Variants in ZNF652 observed in about 807,000 individuals in gnomAD.
ZNF652 encodes zinc finger protein 652.
Under a neutral mutation model 45.2 loss-of-function variants are expected in ZNF652, and 16 were observed. That is an observed-to-expected ratio of 0.35 (90% CI 0.24 to 0.54). The LOEUF (loss-of-function observed/expected upper bound fraction) is 0.54, where lower values mean the gene tolerates loss of function less well. Among genes scored for constraint, ZNF652 ranks in the 20% least tolerant of loss-of-function variants. The pLI is 0.91. For synonymous variants in ZNF652, 250 were observed against 260.6 expected (o/e 0.96, Z 0.39); for missense variants, 614 against 765.6 (o/e 0.80, Z 2.34).
At chr17:49,361,425 G>A (rs1424648632) in intron 1 of ZNF652, among the ~76,000 whole-genome samples, 1 of 152,094 alleles carries the variant, frequency 6.6e-6, no homozygotes, top group Non-Finnish European at 1.5e-5. Flanking sequence ...CCGGTGGCGG[G>A]TGTACATCAG....
At chr17:49,361,402 G>A (rs773174817) in intron 1 of ZNF652, among the ~76,000 whole-genome samples, 2 of 152,208 alleles carry the variant, frequency 1.3e-5, no homozygotes, top group Non-Finnish European at 2.9e-5. Context: ...CCACTGGGGT[G>A]AGTGTGGGGC....
chr17:49,316,418 T>C (rs1330630024), intron 2 of ZNF652, among the ~76,000 whole-genome samples: 2 of 152,246 alleles, frequency 1.3e-5, no homozygotes, highest in Non-Finnish European at 2.9e-5. Context: ...TCAGCTGTAC[T>C]AGAATCTGGC....
Position 49,360,547 on chromosome 17 carries a change from A to C in ZNF652, c.-259+1362T>G, listed in dbSNP as rs532026555. Among the ~76,000 whole-genome samples, 7 of 152,264 alleles carry C rather than the reference A, an allele frequency of 4.6e-5. No individual in the cohort carries two copies. In the East Asian group the frequency reaches 1.3e-3, roughly 29 times the overall value. ...TACTGTGCACGGTCCTGATATAAAC[A>C]ACCAAGCTGCCTGCCACCACTGACA... is the stretch of plus-strand genomic sequence containing the variant. On this transcript the variant is annotated intron_variant, in intron 1 of 5. Coordinates refer to ENST00000430262, the MANE Select transcript of ZNF652 (RefSeq NM_001145365.3).
Position 49,317,438 on chromosome 17 carries a change from G to T in ZNF652, c.288C>A (p.Asp96Glu). The T allele has an allele frequency of 6.2e-7, 1 of 1,613,922 alleles. No homozygotes were observed. The highest frequency in any genetic ancestry group is 8.5e-7 in the Non-Finnish European group (1 of 1,180,004). ...CCTCTGTGTCATCAGAATTCTCCCG[G>T]TCTTCCTTAACAGCATGCACGTCAG... Reference protein sequence around the residue: ...AVSDVHAVKEDRENSDDTEEE... With the variant: ...AVSDVHAVKEERENSDDTEEE... The change falls in exon 2 of 6, where the codon GAC becomes GAA. Residue 96 changes from aspartate (D) to glutamate (E), a missense_variant. By Grantham distance (45) the Asp-to-Glu change is conservative. Around this residue, in one of 5 missense-constraint regions of ZNF652, gnomAD observed 133 missense variants for 132.2 expected, o/e 1.01. Transcript: ENST00000430262.
chr17:49,301,404 C>T (rs2960170), intron 5 of ZNF652, among the ~76,000 whole-genome samples: 85,268 of 151,466 alleles, frequency 0.56, 24,239 homozygotes, highest in South Asian at 0.74. Flanking sequence ...CTCAAGTGAT[C>T]CTCCCGCCTC....
In ZNF652 at chr17:49,317,469, G is replaced by A; in HGVS notation, c.257C>T (p.Ala86Val). The change falls in exon 2 of 6, where the codon GCA becomes GTA. Residue 86 changes from alanine to valine, a missense_variant. Coordinates refer to ENST00000430262, the MANE Select transcript of ZNF652 (RefSeq NM_001145365.3). ...EEQPYFRETR[A>V]VSDVHAVKED... ...CTTAACAGCATGCACGTCAGACACTGCTCTTGTCTCCCTGAAATATGGCTG... is the reference window on the plus strand; with the variant it reads ...CTTAACAGCATGCACGTCAGACACTACTCTTGTCTCCCTGAAATATGGCTG... 6.2e-7 allele frequency: 1 copy of A among 1,614,148 alleles called. No individual in the cohort carries two copies. The highest frequency in any genetic ancestry group is 8.5e-7 in the Non-Finnish European group (1 of 1,180,030).
chr17:49,345,924 G>C (rs983982295), intron 1 of ZNF652, among the ~76,000 whole-genome samples: 1 of 150,462 alleles, frequency 6.6e-6, no homozygotes, highest in East Asian at 1.9e-4. Context: ...GTTAACAAAA[G>C]GATGTTGAAA....
At chr17:49,318,488 A>C (rs894500114) in intron 1 of ZNF652, among the ~76,000 whole-genome samples, 1 of 152,204 alleles carries the variant, frequency 6.6e-6, no homozygotes, top group Admixed American at 6.5e-5. Flanking sequence ...TTAGACTATA[A>C]ATTTTACAAC....
intron 1 of ZNF652, among the ~76,000 whole-genome samples, chr17:49,322,879 C>T (rs865969122): frequency 1.4e-4 from 21 of 151,996 alleles, no homozygotes; most frequent in African/African-American, 3.4e-4. Context: ...AGCAAGACTC[C>T]GTCTCAATAA....
Position 49,298,620 on chromosome 17 carries a change from A to G in ZNF652, c.1614T>C (p.Leu538=). 1 of 1,612,854 alleles carries G rather than the reference A, an allele frequency of 6.2e-7. No individual in the cohort carries two copies. The change falls in exon 6 of 6, where the codon CTT becomes CTC. Residue 538 remains leucine (L), a synonymous_variant. Transcript: ENST00000430262. ...PPINMNPVST[L]PPRPIPHPFS... ...AGGGGTGGGGGATGGGCCGAGGGGG[A>G]AGAGTGCTTACAGGATTCATATTGA...
At chr17:49,359,964 G>A (rs959631422) in intron 1 of ZNF652, among the ~76,000 whole-genome samples, 42 of 152,160 alleles carry the variant, frequency 2.8e-4, no homozygotes, top group African/African-American at 9.2e-4. Context: ...AAAGATTCAG[G>A]ATAGGCATTA....
At chr17:49,339,772 G>A (rs879107820) in intron 1 of ZNF652, among the ~76,000 whole-genome samples, 1 of 152,198 alleles carries the variant, frequency 6.6e-6, no homozygotes, top group African/African-American at 2.4e-5. Context: ...CTGTGCCACT[G>A]AAGACAGAGC....
intron 1 of ZNF652, among the ~76,000 whole-genome samples, chr17:49,347,747 T>TG (rs1320529091): frequency 5.6e-5 from 8 of 141,866 alleles, no homozygotes; most frequent in Non-Finnish European, 9.3e-5. Context: ...TTTGTTTTTT[T>TG]TTTTTTTTTT....
Position 49,298,494 on chromosome 17 carries a change from C to T in ZNF652, c.1740G>A (p.Glu580=). 6.2e-7 allele frequency: 1 copy of T among 1,613,076 alleles called. No homozygotes were observed. The highest frequency in any genetic ancestry group is 2.2e-5 in the East Asian group (1 of 44,862). Residue 580 remains glutamate, a synonymous_variant, in exon 6 of 6, where the codon GAG becomes GAA. Coordinates refer to ENST00000430262, the MANE Select transcript of ZNF652 (RefSeq NM_001145365.3). ...CACTCTGGCCTCTATGATTTAAAGG[C>T]TCACTCTTAAAGAGAGCTGGAGGTG... ...LPPPPALFKS[E]PLNHRGQSED... is the part of the protein sequence containing the mutation.
intron 2 of ZNF652, among the ~76,000 whole-genome samples, chr17:49,313,993 A>G (rs1380465664): frequency 1.4e-5 from 2 of 138,934 alleles, no homozygotes; most frequent in African/African-American, 5.2e-5. Context: ...AAAAAAAAAA[A>G]AAAAAAAAAA....
chr17:49,315,793 C>T (rs1392978588), intron 2 of ZNF652, among the ~76,000 whole-genome samples: 1 of 152,186 alleles, frequency 6.6e-6, no homozygotes, highest in Non-Finnish European at 1.5e-5. Flanking sequence ...GATCAAGTCA[C>T]AATTGGTGAA....
chr17:49,333,241 T>G (rs1432692055), intron 1 of ZNF652, among the ~76,000 whole-genome samples: 4 of 150,578 alleles, frequency 2.7e-5, no homozygotes, highest in Admixed American at 6.6e-5. Flanking sequence ...GTATTTTTAG[T>G]AGAGACGGGG....
intron 1 of ZNF652, among the ~76,000 whole-genome samples, chr17:49,336,450 C>T (rs974622981): frequency 2.0e-5 from 3 of 151,468 alleles, no homozygotes; most frequent in Non-Finnish European, 2.9e-5. Context: ...CTGCCTCAGC[C>T]TCACAAGTAG....
Position 49,359,978 on chromosome 17 carries a change from A to T in ZNF652, c.-259+1931T>A, listed in dbSNP as rs534287305. 2.6e-5 allele frequency among the ~76,000 whole-genome samples: 4 copies of T among 152,322 alleles called. No homozygotes were observed. The South Asian group carries it at 8.3e-4, about 32-fold the overall frequency. ...TAAAGATTCAGGATAGGCATTATAA[A>T]ACAGACCTTGGACTTTGCTGTTGAA... On this transcript the variant is annotated intron_variant, in intron 1 of 5. Transcript: ENST00000430262.
Sources: gnomAD v4.1 joint callset for allele counts (sites outside exome capture counted in the v4.1 genomes callset) on GRCh38, gnomAD v4.1.1 for gene constraint, gnomAD v4.1.1 regional missense constraint, MANE v1.5 for transcripts, NCBI Gene and HGNC (gene_info 2026-07-23, HGNC 2026-07-21) for gene names.